The following CDH19 variants were observed in gnomAD, a reference collection of about 807,000 sequenced individuals.
CDH19 encodes cadherin-19.
Under a neutral mutation model 64.2 loss-of-function variants are expected in CDH19, and 67 were observed. The observed-to-expected ratio is 1.04, with a 90% confidence interval of 0.86 to 1.28. The LOEUF (loss-of-function observed/expected upper bound fraction) is 1.28, where lower values mean the gene tolerates loss of function less well. Ranked by LOEUF, CDH19 falls within the 50% of genes most tolerant of loss-of-function variation. CDH19 has a pLI of 0.00. For missense variants in CDH19, 1,030 were observed against 929.0 expected, an observed-to-expected ratio of 1.11 and a Z score of -1.41; for synonymous variants, 346 against 319.3, an observed-to-expected ratio of 1.08 and a Z score of -0.89.
At chr18:66,590,864 G>A (rs1241535671) in intron 1 of CDH19, among the ~76,000 whole-genome samples, 1 of 151,942 alleles carries the variant, frequency 6.6e-6, no homozygotes, top group South Asian at 2.1e-4. Context: ...TAAGATGAAG[G>A]AGCATGGCAT....
chr18:66,554,156 C>A (rs1987433257), intron 4 of CDH19, among the ~76,000 whole-genome samples: 1 of 151,744 alleles, frequency 6.6e-6, no homozygotes, highest in South Asian at 2.1e-4. Flanking sequence ...TTTTCTAATT[C>A]ATTTAAAAGA....
At chr18:66,524,570 A>ATATATATATATAAG (rs58897705) in intron 9 of CDH19, among the ~76,000 whole-genome samples, 1 of 78,544 alleles carries the variant, frequency 1.3e-5, no homozygotes, top group East Asian at 3.4e-4. Flanking sequence ...ATATATATAT[A>ATATATATATATAAG]AACATCATCA....
At chr18:66,558,335 C>A (rs1449162184) in intron 3 of CDH19, among the ~76,000 whole-genome samples, 5 of 151,344 alleles carry the variant, frequency 3.3e-5, no homozygotes, top group Non-Finnish European at 7.4e-5. Flanking sequence ...CCCTAATTAT[C>A]TTTGTTTATT....
Position 66,577,349 on chromosome 18 carries a change from A to C in CDH19, c.-112-5033T>G, listed in dbSNP as rs544448010. 1.8e-4 allele frequency among the ~76,000 whole-genome samples: 28 copies of C among 152,032 alleles called. 1 individual carries two copies. Among genetic ancestry groups the C allele is most frequent in the Admixed American group, 1.3e-3 (20 of 15,216 alleles). ...ATCTGACTTTAACACATAATGCTAC[A>C]GTAATCATTATGGTAAAGTATTGGA... On this transcript the variant is annotated intron_variant, in intron 1 of 11. Transcript: ENST00000262150.
At chr18:66,555,598 C>T (rs1023395539) in intron 3 of CDH19, among the ~76,000 whole-genome samples, 1 of 151,642 alleles carries the variant, frequency 6.6e-6, no homozygotes, top group Non-Finnish European at 1.5e-5. Context: ...ATGGGTAATA[C>T]TTTTACCTGA....
At chr18:66,527,494 A>G (rs1008089940) in intron 9 of CDH19, among the ~76,000 whole-genome samples, 2 of 152,120 alleles carry the variant, frequency 1.3e-5, no homozygotes, top group Non-Finnish European at 2.9e-5. Flanking sequence ...TACGCCTGCA[A>G]TCTTAGCACT....
intron 1 of CDH19, among the ~76,000 whole-genome samples, chr18:66,590,602 A>AATTT (rs1047278063): frequency 9.9e-5 from 15 of 151,848 alleles, no homozygotes; most frequent in Admixed American, 6.6e-4. Context: ...AACTTTTCAT[A>AATTT]ATTTATTCTC....
chr18:66,559,657 A>C (rs1233634963), intron 3 of CDH19, among the ~76,000 whole-genome samples: 2 of 148,812 alleles, frequency 1.3e-5, no homozygotes, highest in Non-Finnish European at 3.0e-5. Context: ...GTTATATAAA[A>C]GTGCATTTTT....
At chr18:66,584,582 A>G (rs1394596254) in intron 1 of CDH19, among the ~76,000 whole-genome samples, 1 of 152,084 alleles carries the variant, frequency 6.6e-6, no homozygotes, top group Non-Finnish European at 1.5e-5. Flanking sequence ...ACATGAATAT[A>G]CATACCATAA....
intron 5 of CDH19, among the ~76,000 whole-genome samples, chr18:66,546,094 T>C (rs1194794506): frequency 6.6e-6 from 1 of 152,158 alleles, no homozygotes; most frequent in Non-Finnish European, 1.5e-5. Flanking sequence ...TGCAATATTT[T>C]AAAGAATGGA....
chr18:66,601,867 T>A (rs184514622), intron 1 of CDH19, among the ~76,000 whole-genome samples: 71 of 152,020 alleles, frequency 4.7e-4, no homozygotes, highest in Non-Finnish European at 7.8e-4. Flanking sequence ...TTGTTTTGAT[T>A]TGATTTTAAA....
intron 1 of CDH19, among the ~76,000 whole-genome samples, chr18:66,594,167 T>C (rs983756201): frequency 6.6e-6 from 1 of 151,918 alleles, no homozygotes; most frequent in Non-Finnish European, 1.5e-5. Context: ...ACGACAAAAA[T>C]CGGCATTACA....
chr18:66,502,573 T>C lies in CDH19; in HGVS notation c.*2239A>G, dbSNP rs1432627729. The C allele has an allele frequency of 6.6e-6, 1 of 151,966 alleles. No individual in the cohort carries two copies. Among genetic ancestry groups the C allele is most frequent in the Non-Finnish European group, 1.5e-5 (1 of 67,906 alleles). 9.4% of individuals were successfully genotyped at this position (151,966 alleles called of 1,614,324 possible). Reference sequence around the variant, plus strand: ...ATACTTTTTAGTTTTCTACTAAGATTACCTAGCATTCTTTTTAAATAAAGG... The same window carrying C: ...ATACTTTTTAGTTTTCTACTAAGATCACCTAGCATTCTTTTTAAATAAAGG... On this transcript the variant is annotated 3_prime_UTR_variant, in exon 12 of 12. Coordinates refer to ENST00000262150, the MANE Select transcript of CDH19 (RefSeq NM_021153.4).
chr18:66,560,091 A>G (rs574842887), intron 3 of CDH19, among the ~76,000 whole-genome samples: 1 of 152,052 alleles, frequency 6.6e-6, no homozygotes, highest in Admixed American at 6.6e-5. Flanking sequence ...TTGGAGTGCA[A>G]TGGCGTGGTC....
chr18:66,588,099 T>A (rs754150722), intron 1 of CDH19, among the ~76,000 whole-genome samples: 2 of 152,128 alleles, frequency 1.3e-5, no homozygotes, highest in Non-Finnish European at 2.9e-5. Context: ...ATTCCCCCCA[T>A]GTCTGCATGG....
intron 9 of CDH19, among the ~76,000 whole-genome samples, chr18:66,526,884 T>C (rs994857656): frequency 6.6e-6 from 1 of 152,014 alleles, no homozygotes; most frequent in Non-Finnish European, 1.5e-5. Flanking sequence ...TTGAAAAATA[T>C]ATAAAAGAGG....
chr18:66,541,773 G>C (rs1043624788), intron 7 of CDH19, among the ~76,000 whole-genome samples: 10 of 151,988 alleles, frequency 6.6e-5, no homozygotes, highest in Admixed American at 2.6e-4. Flanking sequence ...AGTAATAATT[G>C]CCAGTATAAA....
At chr18:66,527,521 G>A (rs1459292663) in intron 9 of CDH19, among the ~76,000 whole-genome samples, 1 of 152,070 alleles carries the variant, frequency 6.6e-6, no homozygotes, top group East Asian at 1.9e-4. Flanking sequence ...GTCCGAGGCA[G>A]GCAGATCACG....
intron 1 of CDH19, among the ~76,000 whole-genome samples, chr18:66,575,882 A>T (rs1988252333): frequency 6.6e-6 from 1 of 151,868 alleles, no homozygotes. Context: ...ATTGTGGAGC[A>T]TACATCATTT....
Sources: allele counts gnomAD v4.1 joint callset (sites outside exome capture counted in the v4.1 genomes callset), GRCh38; gene constraint gnomAD v4.1.1; transcripts MANE v1.5; gene names NCBI Gene and HGNC (gene_info 2026-07-23, HGNC 2026-07-21).